The following VWA3A variants were observed in gnomAD, a reference collection of about 807,000 sequenced individuals.
VWA3A encodes von Willebrand factor A domain containing 3A.
In VWA3A, 134 loss-of-function variants were observed where a neutral mutation model predicts 160.4. The observed-to-expected ratio is 0.84, with a 90% confidence interval of 0.73 to 0.96. The LOEUF (loss-of-function observed/expected upper bound fraction) is 0.96. Among genes scored for constraint, VWA3A ranks in the 40% least tolerant of loss-of-function variants. The probability of loss-of-function intolerance (pLI) is 0.00; values close to 1 mark genes in which losing one functional copy is unlikely to be tolerated. For synonymous variants in VWA3A, 476 were observed against 543.4 expected (o/e 0.88, Z 1.72); for missense variants, 1,310 against 1,447.9 (o/e 0.90, Z 1.55).
chr16:22,148,481 T>A (rs1206524626), intron 28 of VWA3A, among the ~76,000 whole-genome samples, 175 bp downstream of exon 28: 2 of 152,046 alleles, frequency 1.3e-5, no homozygotes, highest in Non-Finnish European at 2.9e-5. Context: ...AGGAAATCAG[T>A]TTTTAGAGGC....
intron 8 of VWA3A, among the ~76,000 whole-genome samples, chr16:22,113,505 A>G (rs1489233301): frequency 1.3e-5 from 2 of 150,734 alleles, no homozygotes; most frequent in Non-Finnish European, 2.9e-5. Context: ...GATTACAGGC[A>G]TGAGCCACTG....
At chr16:22,101,271 A>G (rs920933009) in intron 5 of VWA3A, among the ~76,000 whole-genome samples, 1 of 152,204 alleles carries the variant, frequency 6.6e-6, no homozygotes, top group Non-Finnish European at 1.5e-5. Flanking sequence ...AAAATATAAA[A>G]TGAAATCCAT....
chr16:22,111,083 A>AC (rs1178360090), intron 8 of VWA3A, 89 bp downstream of exon 8: 1 of 1,118,636 alleles, frequency 8.9e-7, no homozygotes. Flanking sequence ...TCAACTGCAA[A>AC]CCCCAGGACC....
At chr16:22,121,167 C>T (rs901778635) in intron 13 of VWA3A, 64 bp downstream of exon 13, 11 of 1,606,886 alleles carry the variant, frequency 6.8e-6, no homozygotes, top group South Asian at 1.1e-5. Flanking sequence ...TGAATCCGGC[C>T]GGGCACAGTG....
chr16:22,151,049 G>A (rs967456824), intron 30 of VWA3A, among the ~76,000 whole-genome samples: 1 of 152,124 alleles, frequency 6.6e-6, no homozygotes, highest in Admixed American at 6.6e-5. Context: ...GGAGGTTGAG[G>A]CAGGTGGATC....
chr16:22,134,688 G>T (rs1259703323), intron 21 of VWA3A, among the ~76,000 whole-genome samples: 1 of 151,936 alleles, frequency 6.6e-6, no homozygotes, highest in Non-Finnish European at 1.5e-5. Context: ...TTGTTTGTTT[G>T]TTTTTAATTG....
At chr16:22,101,058 G>A (rs1203474280) in intron 5 of VWA3A, among the ~76,000 whole-genome samples, 5 of 150,424 alleles carry the variant, frequency 3.3e-5, no homozygotes, top group Non-Finnish European at 7.4e-5. Context: ...TTCTCAAATA[G>A]AAAGGTTGGA....
At position 22,155,550 on chromosome 16, in the gene VWA3A, C is replaced by T; in HGVS notation, c.3406-17C>T. On this transcript the variant is annotated splice_polypyrimidine_tract_variant and intron_variant, in intron 31 of 33. Transcript: ENST00000389398. ...CCCATCCAGTCATAAACTTCACACTCATTTCCTCTTTTCAAGGATCCCACA... is the reference window on the plus strand; with the variant it reads ...CCCATCCAGTCATAAACTTCACACTTATTTCCTCTTTTCAAGGATCCCACA... 6.2e-7 allele frequency: 1 copy of T among 1,611,012 alleles called. No individual in the cohort carries two copies. Among genetic ancestry groups the T allele is most frequent in the Non-Finnish European group, 8.5e-7 (1 of 1,177,272 alleles).
At chr16:22,126,911 A>G (rs752995092) in intron 17 of VWA3A, among the ~76,000 whole-genome samples, 3 of 148,230 alleles carry the variant, frequency 2.0e-5, no homozygotes, top group South Asian at 2.2e-4. Context: ...ATGGTATGCA[A>G]TTTTTAAAAC....
intron 18 of VWA3A, 21 bp from the exon 19 acceptor site, chr16:22,131,564 T>G: frequency 6.2e-7 from 1 of 1,608,264 alleles, no homozygotes; most frequent in Non-Finnish European, 8.5e-7. Flanking sequence ...ACCCTCAGCA[T>G]GGCCATCTCT....
At chr16:22,110,304 C>A (rs527627479) in intron 7 of VWA3A, among the ~76,000 whole-genome samples, 4 of 152,310 alleles carry the variant, frequency 2.6e-5, no homozygotes, top group African/African-American at 9.6e-5. Context: ...TTACGGGTAC[C>A]ATGGCAGCAA....
At chr16:22,134,488 C>T in intron 21 of VWA3A, 50 bp downstream of exon 21, 1 of 1,465,384 alleles carries the variant, frequency 6.8e-7, no homozygotes, top group Non-Finnish European at 9.3e-7. Context: ...GTATTCATTT[C>T]CTGGGGCTAC....
intron 21 of VWA3A, among the ~76,000 whole-genome samples, chr16:22,136,376 C>A (rs887853322): frequency 2.6e-5 from 4 of 151,962 alleles, no homozygotes; most frequent in African/African-American, 9.7e-5. Flanking sequence ...GCAGGGAAGG[C>A]GGGTCTGGGA....
At chr16:22,125,293 G>A (rs2045825858) in intron 16 of VWA3A, among the ~76,000 whole-genome samples, 1 of 152,014 alleles carries the variant, frequency 6.6e-6, no homozygotes, top group Non-Finnish European at 1.5e-5. Context: ...AGCTGAGGCA[G>A]GAGGATCTCT....
intron 12 of VWA3A, among the ~76,000 whole-genome samples, chr16:22,120,188 G>A (rs1168339978): frequency 3.3e-5 from 5 of 152,118 alleles, no homozygotes; most frequent in Non-Finnish European, 5.9e-5. Context: ...AGATTGCAAA[G>A]ATAGAAATAG....
intron 6 of VWA3A, among the ~76,000 whole-genome samples, chr16:22,106,150 C>A (rs576718284): frequency 6.6e-6 from 1 of 151,888 alleles, no homozygotes; most frequent in South Asian, 2.1e-4. Flanking sequence ...TTTGGGAGGC[C>A]GAGGCAGATG....
chr16:22,111,084 C>A, intron 8 of VWA3A, 90 bp downstream of exon 8: 1 of 1,116,774 alleles, frequency 9.0e-7, no homozygotes, highest in Non-Finnish European at 1.3e-6. Context: ...CAACTGCAAA[C>A]CCCAGGACCC....
chr16:22,148,165 G>T lies in VWA3A; in HGVS notation c.2843G>T (p.Ser948Ile). Residue 948 changes from serine to isoleucine, a missense_variant, in exon 28 of 34, where the codon AGC (serine) becomes ATC (isoleucine). Coordinates refer to ENST00000389398, the MANE Select transcript of VWA3A (RefSeq NM_173615.5). The stretch of plus-strand genomic sequence containing the variant: ...TTCCCCACCTGTCTCGGAGCAGGGA[G>T]CCGCCGACTGTTTGGCACCGTTTTG... ...VQRLQWLLSG[S>I]RRLFGTVLES... is the part of the protein sequence containing the mutation. 1 of 1,598,858 alleles carries T rather than the reference G, an allele frequency of 6.3e-7. No homozygotes were observed. The highest frequency in any genetic ancestry group is 8.5e-7 in the Non-Finnish European group (1 of 1,172,898).
chr16:22,139,077 C>T (rs778423565), intron 22 of VWA3A, among the ~76,000 whole-genome samples: 4 of 152,134 alleles, frequency 2.6e-5, no homozygotes, highest in Non-Finnish European at 5.9e-5. Context: ...GTGAGTCCCT[C>T]AGCATTGCAT....
Sources: gnomAD v4.1 joint callset for allele counts (sites outside exome capture counted in the v4.1 genomes callset) on GRCh38, gnomAD v4.1.1 for gene constraint, MANE v1.5 for transcripts, NCBI Gene and HGNC (gene_info 2026-07-23, HGNC 2026-07-21) for gene names.